The following SLC1A6 variants were observed in gnomAD, a reference collection of about 807,000 sequenced individuals.
SLC1A6 encodes solute carrier family 1 member 6.
SLC1A6 carries 15 observed loss-of-function variants against 42.1 expected under a neutral mutation model. The observed-to-expected ratio is 0.36, with a 90% confidence interval of 0.24 to 0.55. The LOEUF (loss-of-function observed/expected upper bound fraction) is 0.55. Among genes scored for constraint, SLC1A6 ranks in the 20% least tolerant of loss-of-function variants. The pLI is 0.88. For missense variants in SLC1A6, 542 were observed against 772.5 expected, an observed-to-expected ratio of 0.70 and a Z score of 3.54; for synonymous variants, 317 against 319.7, an observed-to-expected ratio of 0.99 and a Z score of 0.09.
At chr19:14,955,767 T>C (rs1016024421) in intron 7 of SLC1A6, among the ~76,000 whole-genome samples, 1 of 151,966 alleles carries the variant, frequency 6.6e-6, no homozygotes, top group Non-Finnish European at 1.5e-5. Context: ...AAACCCCATC[T>C]CTACTAAAAA....
At chr19:15,003,434 C>T (rs7252573) in intron 1 of SLC1A6, among the ~76,000 whole-genome samples, 105,400 of 151,940 alleles carry the variant, frequency 0.69, 36,771 homozygotes, top group East Asian at 0.86. Flanking sequence ...CATCTCCTGA[C>T]ACCTCCACCA....
chr19:14,959,643 A>G (rs2045491839), intron 6 of SLC1A6, among the ~76,000 whole-genome samples: 1 of 152,186 alleles, frequency 6.6e-6, no homozygotes, highest in Admixed American at 6.5e-5. Flanking sequence ...CCTTGTTAAT[A>G]TCTTCCACCA....
chr19:14,954,164 C>G lies in SLC1A6; in HGVS notation c.1335G>C (p.Glu445Asp), dbSNP rs745340215. The stretch of plus-strand genomic sequence containing the variant: ...TGGTTGTGATCTGACCCAGGTTGAG[C>G]TCGTAGTTGTTAACTTGAGCAATGA... ...AIFIAQVNNY[E>D]LNLGQITTIS... Residue 445 changes from glutamate to aspartate, a missense_variant, in exon 8 of 10, where the codon GAG becomes GAC. By Grantham distance (45) the Glu-to-Asp change is conservative. Around this residue, in one of 6 missense-constraint regions of SLC1A6, gnomAD observed 54 missense variants for 125.1 expected, o/e 0.43. Coordinates refer to ENST00000594383, the MANE Select transcript of SLC1A6 (RefSeq NM_005071.3). 1.2e-6 allele frequency: 2 copies of G among 1,611,132 alleles called. No individual in the cohort carries two copies. Among genetic ancestry groups the G allele is most frequent in the African/African-American group, 2.7e-5 (2 of 74,938 alleles).
chr19:14,956,430 A>G (rs374169675), intron 7 of SLC1A6, 46 bp downstream of exon 7: 53 of 1,318,564 alleles, frequency 4.0e-5, no homozygotes, highest in Non-Finnish European at 5.3e-5. Flanking sequence ...ATGAAGGACA[A>G]GAAGTGCAAC....
At chr19:14,999,888 A>G (rs1443774596) in intron 1 of SLC1A6, among the ~76,000 whole-genome samples, 2 of 152,092 alleles carry the variant, frequency 1.3e-5, no homozygotes, top group Non-Finnish European at 2.9e-5. Context: ...GTACATGTGC[A>G]CAACATGCTG....
intron 1 of SLC1A6, among the ~76,000 whole-genome samples, chr19:14,978,913 C>G (rs989433821): frequency 6.6e-6 from 1 of 151,434 alleles, no homozygotes; most frequent in African/African-American, 2.4e-5. Flanking sequence ...CACACAGAAA[C>G]ACACACACAC....
At chr19:14,971,441 A>C (rs1403775903) in intron 3 of SLC1A6, among the ~76,000 whole-genome samples, 2 of 152,122 alleles carry the variant, frequency 1.3e-5, no homozygotes, top group African/African-American at 4.8e-5. Context: ...TTGCCCTTCC[A>C]AGACTTTCTC....
At chr19:14,960,609 T>C (rs1197624175) in intron 6 of SLC1A6, among the ~76,000 whole-genome samples, 1 of 152,238 alleles carries the variant, frequency 6.6e-6, no homozygotes, top group Non-Finnish European at 1.5e-5. Context: ...AATAAATCCC[T>C]GTCACTTGTG....
chr19:14,968,614 C>T, intron 3 of SLC1A6, 107 bp from the exon 4 acceptor site: 1 of 951,102 alleles, frequency 1.1e-6, no homozygotes, highest in South Asian at 1.7e-5. Flanking sequence ...GCCGACCCAC[C>T]AAGCATCCCT....
rs539930264 is a variant in SLC1A6, at chr19:14,993,130, A to G, written c.6+17355T>C. On this transcript the variant is annotated intron_variant, in intron 1 of 8. Coordinates refer to the SLC1A6 transcript ENST00000430939. ...ATGCAAGCGAATTGTCTAAAAGTAG[A>G]ATTTCAGGGGAGGTAAAAAAGGGAA... Among the ~76,000 whole-genome samples the G allele has an allele frequency of 3.3e-5, 5 of 152,238 alleles. No homozygotes were observed. The South Asian group carries it at 1.0e-3, about 32-fold the overall frequency.
At chr19:14,998,300 G>A (rs2045856578) in intron 1 of SLC1A6, among the ~76,000 whole-genome samples, 1 of 152,138 alleles carries the variant, frequency 6.6e-6, no homozygotes, top group Admixed American at 6.5e-5. Context: ...CAGCACTTTG[G>A]GAGGCCAAGG....
chr19:14,995,428 T>C (rs1216164744), intron 1 of SLC1A6, among the ~76,000 whole-genome samples: 1 of 150,292 alleles, frequency 6.7e-6, no homozygotes, highest in African/African-American at 2.4e-5. Flanking sequence ...TACCATACCA[T>C]AGCCTTGGGT....
chr19:14,960,924 C>T (rs1040325076), intron 6 of SLC1A6, among the ~76,000 whole-genome samples: 1 of 104,262 alleles, frequency 9.6e-6, no homozygotes, highest in Non-Finnish European at 1.8e-5. Flanking sequence ...TTTAAGTGGT[C>T]TCTCCCTTTT....
chr19:14,954,057 T>TACCAC, intron 8 of SLC1A6, 78 bp downstream of exon 8: 1 of 997,538 alleles, frequency 1.0e-6, no homozygotes, highest in Non-Finnish European at 1.5e-6. Context: ...GGCCCCCTCC[T>TACCAC]CCCTCCCCAA....
chr19:14,968,339 G>A lies in SLC1A6; in HGVS notation c.512C>T (p.Thr171Ile). The A allele has an allele frequency of 1.9e-6, 3 of 1,613,720 alleles. No individual in the cohort carries two copies. The highest frequency in any genetic ancestry group is 1.1e-5 in the South Asian group (1 of 90,904). Residue 171 changes from threonine (T) to isoleucine (I), a missense_variant, in exon 4 of 10, where the codon ACC (threonine) becomes ATC (isoleucine). By Grantham distance (89) the Thr-to-Ile change is moderately conservative. Around this residue, in one of 6 missense-constraint regions of SLC1A6, gnomAD observed 298 missense variants for 419.4 expected, o/e 0.71. Transcript: ENST00000594383. ...EGLHREGRIE[T>I]IPTADAFMDL... ...CATGAAGGCATCAGCTGTGGGGATG[G>A]TCTCGATCCGGCCCTCCCGGTGCAG...
In SLC1A6 at chr19:14,979,627, G is replaced by T. The variant is rs1200243980; in HGVS notation, c.-326C>A. ...GCCGGGGCCGCGGGGACCCGCCAGG[G>T]ACTGTGCAGCACCGGCGCGGGGACC... On this transcript the variant is annotated 5_prime_UTR_variant, in exon 1 of 10. Coordinates refer to ENST00000594383, the MANE Select transcript of SLC1A6 (RefSeq NM_005071.3). This position sits in a 1 kb window ranked among gnomAD's most constrained non-coding sequence, Gnocchi z 4.2. The T allele has an allele frequency of 6.6e-6, 1 of 150,750 alleles. No individual in the cohort carries two copies. Among genetic ancestry groups the T allele is most frequent in the Non-Finnish European group, 1.5e-5 (1 of 67,858 alleles). 9.3% of individuals were successfully genotyped at this position (150,750 alleles called of 1,614,324 possible).
intron 1 of SLC1A6, among the ~76,000 whole-genome samples, chr19:14,992,774 G>A (rs191851841): frequency 6.6e-6 from 1 of 152,266 alleles, no homozygotes; most frequent in East Asian, 1.9e-4. Context: ...GCATTAGGAG[G>A]GCAGGGCAGT....
intron 1 of SLC1A6, among the ~76,000 whole-genome samples, chr19:14,986,644 G>A (rs373567021): frequency 1.3e-5 from 2 of 150,512 alleles, no homozygotes; most frequent in African/African-American, 4.9e-5. Flanking sequence ...AGGCTGGAGT[G>A]CAGTGGTGCA....
intron 9 of SLC1A6, among the ~76,000 whole-genome samples, chr19:14,951,063 T>A (rs1393624482): frequency 8.1e-6 from 1 of 123,500 alleles, no homozygotes; most frequent in Non-Finnish European, 1.6e-5. Flanking sequence ...TGAAACCCTG[T>A]CTCTACTAAA....
Sources: allele counts gnomAD v4.1 joint callset (sites outside exome capture counted in the v4.1 genomes callset), GRCh38; gene constraint gnomAD v4.1.1; regional missense constraint gnomAD v4.1.1; non-coding constraint Gnocchi (gnomAD v3.1); transcripts MANE v1.5; gene names NCBI Gene and HGNC (gene_info 2026-07-23, HGNC 2026-07-21).